Variants in TANC1 observed in about 807,000 individuals in gnomAD.
TANC1 encodes tetratricopeptide repeat, ankyrin repeat and coiled-coil containing 1.
In TANC1, 77 loss-of-function variants were observed where a neutral mutation model predicts 149.7. That is an observed-to-expected ratio of 0.51 (90% CI 0.43 to 0.62). The LOEUF (loss-of-function observed/expected upper bound fraction) is 0.62, where lower values mean the gene tolerates loss of function less well. TANC1 is among the 20% of genes least tolerant of loss of function. The probability of loss-of-function intolerance (pLI) is 0.00; values close to 1 mark genes in which losing one functional copy is unlikely to be tolerated. For missense variants in TANC1, 1,985 were observed against 2,321.8 expected (o/e 0.85, Z 2.98); for synonymous variants, 854 against 925.0 (o/e 0.92, Z 1.39).
chr2:159,084,301 C>A (rs531291977), intron 3 of TANC1, among the ~76,000 whole-genome samples: 10 of 152,220 alleles, frequency 6.6e-5, no homozygotes, highest in Admixed American at 3.3e-4. Context: ...TCCTAGCTCC[C>A]CCCCCAATAC....
chr2:159,099,220 G>GT (rs1257597969), intron 4 of TANC1, among the ~76,000 whole-genome samples: 1 of 152,080 alleles, frequency 6.6e-6, no homozygotes, highest in Non-Finnish European at 1.5e-5. Flanking sequence ...AACCTTTTTG[G>GT]TATGAAGTAA....
chr2:159,165,484 TAAC>T (rs2054495890), intron 8 of TANC1, among the ~76,000 whole-genome samples: 1 of 152,240 alleles, frequency 6.6e-6, no homozygotes, highest in Non-Finnish European at 1.5e-5. Context: ...TGATATCTGT[TAAC>T]AAGCTAGGAG....
chr2:158,977,579 G>A (rs1193730828), intron 1 of TANC1, among the ~76,000 whole-genome samples: 1 of 151,532 alleles, frequency 6.6e-6, no homozygotes, highest in Non-Finnish European at 1.5e-5. Context: ...CCAAAGTGCT[G>A]GGATTACAGG....
chr2:159,192,527 C>T (rs1053522103), intron 16 of TANC1, among the ~76,000 whole-genome samples: 2 of 152,084 alleles, frequency 1.3e-5, no homozygotes, highest in African/African-American at 4.8e-5. Context: ...AAGTGTGGTT[C>T]CCCAAACCAA....
intron 2 of TANC1, among the ~76,000 whole-genome samples, chr2:159,005,492 G>A (rs2037069736): frequency 6.6e-6 from 1 of 152,152 alleles, no homozygotes; most frequent in Admixed American, 6.5e-5. Context: ...TGAGGCTGAG[G>A]TGGGAGGATC....
In TANC1 at chr2:159,172,149, C is replaced by T; in HGVS notation, c.1380C>T (p.Phe460=). The T allele has an allele frequency of 6.2e-7, 1 of 1,614,158 alleles. No homozygotes were observed. The highest frequency in any genetic ancestry group is 8.5e-7 in the Non-Finnish European group (1 of 1,180,026). The change falls in exon 11 of 27, where the codon TTC becomes TTT. Residue 460 remains phenylalanine (F), a synonymous_variant. Transcript: ENST00000263635. ...CTGACCCCACTCAGGATCTTCATTT[C>T]ACTCCGTTGCTTTCACCGAGTTCTT... ...KTSDPTQDLH[F]TPLLSPSSST... is the part of the protein sequence containing the mutation.
chr2:159,047,193 C>G (rs978857596), intron 2 of TANC1, among the ~76,000 whole-genome samples: 2 of 150,440 alleles, frequency 1.3e-5, no homozygotes, highest in Admixed American at 6.6e-5. Context: ...TCATTTCCCC[C>G]CCCCAGTTAT....
chr2:159,079,376 G>A, intron 3 of TANC1, among the ~76,000 whole-genome samples: 1 of 91,734 alleles, frequency 1.1e-5, no homozygotes, highest in Non-Finnish European at 1.9e-5. Context: ...TTGAGTGTTT[G>A]CTGTGTTTCA....
chr2:159,207,713 A>AAAAAAAC (rs2058711380), intron 19 of TANC1, among the ~76,000 whole-genome samples: 1 of 149,384 alleles, frequency 6.7e-6, no homozygotes, highest in African/African-American at 2.5e-5. Flanking sequence ...AAAAAAAAAA[A>AAAAAAAC]AAAAAAAAAA....
chr2:159,182,770 T>C (rs1343931354), intron 14 of TANC1, among the ~76,000 whole-genome samples: 1 of 152,232 alleles, frequency 6.6e-6, no homozygotes, highest in Non-Finnish European at 1.5e-5. Flanking sequence ...GCGCATGACA[T>C]TGTCATGTCT....
At chr2:159,174,897 C>A in intron 11 of TANC1, 56 bp from the exon 12 acceptor site, 1 of 1,357,630 alleles carries the variant, frequency 7.4e-7, no homozygotes. Context: ...TTTGAGATTG[C>A]AGAAGGAGCT....
intron 19 of TANC1, among the ~76,000 whole-genome samples, chr2:159,199,521 T>C (rs2058094637): frequency 6.6e-6 from 1 of 152,222 alleles, no homozygotes; most frequent in Admixed American, 6.5e-5. Context: ...TCGTGGGGTT[T>C]ACTCACATTA....
chr2:159,008,709 A>G (rs2037465023), intron 2 of TANC1, among the ~76,000 whole-genome samples: 1 of 152,204 alleles, frequency 6.6e-6, no homozygotes, highest in African/African-American at 2.4e-5. Flanking sequence ...TATATCAAAT[A>G]ATTTCATGTT....
chr2:159,025,960 G>A (rs2039306026), intron 2 of TANC1, among the ~76,000 whole-genome samples: 1 of 152,058 alleles, frequency 6.6e-6, no homozygotes, highest in Admixed American at 6.6e-5. Flanking sequence ...GTAGAGACAG[G>A]GTCTCACTCT....
intron 4 of TANC1, among the ~76,000 whole-genome samples, chr2:159,098,561 A>G (rs1389293890): frequency 1.3e-5 from 2 of 152,222 alleles, no homozygotes; most frequent in Non-Finnish European, 2.9e-5. Context: ...TACCTAGTAT[A>G]TACTGATGTA....
chr2:159,225,732 A>T lies in TANC1; in HGVS notation c.3856A>T (p.Ile1286Phe). Reference protein sequence around the residue: ...AMATSKPDILIILLQKLMEEG... With the variant: ...AMATSKPDILFILLQKLMEEG... ...GGCCACTTCCAAACCTGATATCTTGATTATACTTTTACAGAAATTAATGGA... is the reference window on the plus strand; with the variant it reads ...GGCCACTTCCAAACCTGATATCTTGTTTATACTTTTACAGAAATTAATGGA... The change falls in exon 24 of 27, where the codon ATT becomes TTT. Residue 1286 changes from isoleucine to phenylalanine, a missense_variant. Around this residue, in one of 3 missense-constraint regions of TANC1, gnomAD observed 920 missense variants for 994.7 expected, o/e 0.92. Transcript: ENST00000263635. 1 of 1,614,180 alleles carries T rather than the reference A, an allele frequency of 6.2e-7. No individual in the cohort carries two copies. The highest frequency in any genetic ancestry group is 8.5e-7 in the Non-Finnish European group (1 of 1,180,004).
intron 3 of TANC1, among the ~76,000 whole-genome samples, chr2:159,073,725 C>T (rs1280836345): frequency 6.6e-6 from 1 of 152,086 alleles, no homozygotes; most frequent in African/African-American, 2.4e-5. Flanking sequence ...TAACTTAATT[C>T]CCATAAAAAG....
At chr2:159,072,929 T>G (rs2043287294) in intron 3 of TANC1, among the ~76,000 whole-genome samples, 1 of 152,242 alleles carries the variant, frequency 6.6e-6, no homozygotes, top group Non-Finnish European at 1.5e-5. Flanking sequence ...AGCTTCAGCC[T>G]TTCCCCTATA....
Position 159,178,744 on chromosome 2 carries a change from G to A in TANC1, c.2091G>A (p.Val697=). 6.2e-7 allele frequency: 1 copy of A among 1,614,180 alleles called. No individual in the cohort carries two copies. Among genetic ancestry groups the A allele is most frequent in the East Asian group, 2.2e-5 (1 of 44,872 alleles). The change falls in exon 14 of 27, where the codon GTG becomes GTA. Residue 697 remains valine, a synonymous_variant. Coordinates refer to ENST00000263635, the MANE Select transcript of TANC1 (RefSeq NM_033394.3). ...TLIGKVSSHL[V]LRSLGSYLYL... ...TTGGAAAAGTGAGCAGCCACCTGGT[G>A]CTGCGGAGCCTCGGCTCCTACCTGT...
Sources: allele counts gnomAD v4.1 joint callset (sites outside exome capture counted in the v4.1 genomes callset), GRCh38; gene constraint gnomAD v4.1.1; regional missense constraint gnomAD v4.1.1; transcripts MANE v1.5; gene names NCBI Gene and HGNC (gene_info 2026-07-23, HGNC 2026-07-21).